The following SLC28A2 variants were observed in gnomAD, a reference collection of about 807,000 sequenced individuals.
The protein encoded by SLC28A2 is solute carrier family 28 member 2.
In SLC28A2, 69 loss-of-function variants were observed where a neutral mutation model predicts 72.9. The ratio of observed to expected loss-of-function variants is 0.95; its 90% CI spans 0.78 to 1.16. The LOEUF (loss-of-function observed/expected upper bound fraction) is 1.16, where lower values mean the gene tolerates loss of function less well. Among genes scored for constraint, SLC28A2 ranks in the 50% most tolerant of loss-of-function variants. The pLI, the probability that SLC28A2 is intolerant of heterozygous loss-of-function variation, is 0.00. For missense variants in SLC28A2, 745 were observed against 791.1 expected (o/e 0.94, Z 0.70); for synonymous variants, 296 against 294.1 (o/e 1.01, Z -0.07).
rs1444228416 is a variant in SLC28A2 at position 45,277,200 on chromosome 15, A to ATATTTATTATATTTAATAT, written c.*1701_*1719dup. 2.0e-5 allele frequency: 3 copies of ATATTTATTATATTTAATAT among 149,486 alleles called. No individual in the cohort carries two copies. The highest frequency in any genetic ancestry group is 7.3e-5 in the African/African-American group (3 of 40,976). The allele number at this position is 149,486 out of a possible 1,614,324, so 9.3% of individuals were successfully genotyped here. A position where few individuals can be genotyped will look rare whatever the true frequency, so the allele number is the denominator to read the frequency against. ...GAAACTCTGATTCAAAATATTTTAG[A>ATATTTATTATATTTAATAT]TATTTATTATATTTAATATTATTTA... On this transcript the variant is annotated 3_prime_UTR_variant, in exon 18 of 18. Transcript: ENST00000347644.
Position 45,273,167 on chromosome 15 carries a change from A to G in SLC28A2, c.1859+383A>G, listed in dbSNP as rs536105763. On this transcript the variant is annotated intron_variant, in intron 17 of 17. Coordinates refer to ENST00000347644, the MANE Select transcript of SLC28A2 (RefSeq NM_004212.4). ...CATAGCGAGACCCTGTCTCTATTTT[A>G]TATTAATTAAAAAAAAGAAATTACT... 2.2e-4 allele frequency among the ~76,000 whole-genome samples: 34 copies of G among 152,284 alleles called. No homozygotes were observed. In the South Asian group the frequency reaches 6.8e-3, roughly 31 times the overall value.
chr15:45,260,559 C>A (rs1199166996), intron 3 of SLC28A2, among the ~76,000 whole-genome samples: 1 of 152,070 alleles, frequency 6.6e-6, no homozygotes, highest in Non-Finnish European at 1.5e-5. Context: ...GAGTTTGAGA[C>A]CAGCCTGGGG....
At position 45,263,993 on chromosome 15, in the gene SLC28A2, C is replaced by T. The variant is rs1448743608; in HGVS notation, c.559C>T (p.Leu187Phe). ...FAGICMFILI[L>F]FACSKHHSAV... The stretch of plus-strand genomic sequence containing the variant: ...AGGAATCTGCATGTTCATCCTTATC[C>T]TCTTTGCCTGCTCCAAACACCACAG... The change falls in exon 6 of 18, where the codon CTC becomes TTC. Residue 187 changes from leucine to phenylalanine, a missense_variant. Physicochemically the swap from Leu to Phe is conservative, Grantham distance 22. Transcript: ENST00000347644. The T allele has an allele frequency of 6.2e-7, 1 of 1,613,286 alleles. No individual in the cohort carries two copies. The highest frequency in any genetic ancestry group is 8.5e-7 in the Non-Finnish European group (1 of 1,179,636).
chr15:45,272,217 T>C, intron 15 of SLC28A2, 78 bp from the exon 16 acceptor site: 1 of 1,129,852 alleles, frequency 8.9e-7, no homozygotes. Context: ...TCTGCGTTCT[T>C]CTAAGTGGGG....
intron 15 of SLC28A2, among the ~76,000 whole-genome samples, chr15:45,271,616 G>GGAAGGAAT (rs1220303624): frequency 1.3e-5 from 2 of 151,004 alleles, no homozygotes; most frequent in Non-Finnish European, 2.9e-5. Context: ...AAGGAAGGAA[G>GGAAGGAAT]GAATCTTAGA....
In SLC28A2 at chr15:45,265,627, C is replaced by T. The variant is rs867580515; in HGVS notation, c.825C>T (p.Leu275=). 4 of 1,613,734 alleles carry T rather than the reference C, an allele frequency of 2.5e-6. No homozygotes were observed. The highest frequency in any genetic ancestry group is 2.5e-6 in the Non-Finnish European group (3 of 1,179,616). The change falls in exon 9 of 18, where the codon CTC becomes CTT. Residue 275 remains leucine, a synonymous_variant. Coordinates refer to ENST00000347644, the MANE Select transcript of SLC28A2 (RefSeq NM_004212.4). ...IIFFGCVVSI[L]YYLGLVQWVV... is the part of the protein sequence containing the mutation. ...TCTTTGGATGTGTGGTGTCCATTCT[C>T]TACTACCTGGGCCTTGTGCAATGGG... is the stretch of plus-strand genomic sequence containing the variant.
rs754180838 is a variant in SLC28A2 at position 45,265,680 on chromosome 15, C to T, written c.861+17C>T. ...GTTCAGAAGGTGAGTCGTTCTCTTACACCAGTCAGGAGACAGGCCTTCATC... is the reference window on the plus strand; with the variant it reads ...GTTCAGAAGGTGAGTCGTTCTCTTATACCAGTCAGGAGACAGGCCTTCATC... On this transcript the variant is annotated intron_variant, in intron 9 of 17. Coordinates refer to ENST00000347644, the MANE Select transcript of SLC28A2 (RefSeq NM_004212.4). 2.6e-6 allele frequency: 4 copies of T among 1,556,710 alleles called. No homozygotes were observed. Among genetic ancestry groups the T allele is most frequent in the Non-Finnish European group, 3.5e-6 (4 of 1,127,642 alleles).
At chr15:45,272,608 G>T in intron 16 of SLC28A2, 65 bp from the exon 17 acceptor site, 1 of 1,014,190 alleles carries the variant, frequency 9.9e-7, no homozygotes, top group South Asian at 1.3e-5. Flanking sequence ...CGTGCCAAAA[G>T]AATAAAGAGC....
intron 15 of SLC28A2, among the ~76,000 whole-genome samples, chr15:45,271,295 G>A (rs1254012565): frequency 6.6e-6 from 1 of 152,174 alleles, no homozygotes; most frequent in African/African-American, 2.4e-5. Flanking sequence ...GCTGGATGTG[G>A]TGGCTCATGC....
At chr15:45,262,909 AAGAAGTGC>A (rs1214634069) in intron 4 of SLC28A2, 144 bp from the exon 5 acceptor site, 7 of 617,342 alleles carry the variant, frequency 1.1e-5, no homozygotes, top group Non-Finnish European at 2.0e-5. Flanking sequence ...TCCTGGCCTC[AAGAAGTGC>A]AGTTCTGTCT....
chr15:45,274,037 C>A (rs1900673308), intron 17 of SLC28A2, among the ~76,000 whole-genome samples: 1 of 152,064 alleles, frequency 6.6e-6, no homozygotes, highest in Non-Finnish European at 1.5e-5. Context: ...GGGATCCTCC[C>A]ATCTTGGCTT....
chr15:45,257,100 T>A (rs565847467), intron 3 of SLC28A2, among the ~76,000 whole-genome samples: 1 of 152,354 alleles, frequency 6.6e-6, no homozygotes, highest in South Asian at 2.1e-4. Context: ...GTTTCCTGCC[T>A]CCATGTCATG....
chr15:45,253,679 C>A, intron 3 of SLC28A2, 159 bp downstream of exon 3: 24 of 513,386 alleles, frequency 4.7e-5, no homozygotes, highest in Non-Finnish European at 6.7e-5. Context: ...GCCATAAACT[C>A]CATAAAAAAA....
chr15:45,258,814 A>G (rs1309276400), intron 3 of SLC28A2, among the ~76,000 whole-genome samples: 1 of 152,318 alleles, frequency 6.6e-6, no homozygotes, highest in African/African-American at 2.4e-5. Flanking sequence ...ATTTTTGTGC[A>G]TGTCTTTTAG....
Position 45,272,288 on chromosome 15 carries a change from T to C in SLC28A2, c.1649-7T>C. 1 of 1,611,880 alleles carries C rather than the reference T, an allele frequency of 6.2e-7. No individual in the cohort carries two copies. Among genetic ancestry groups the C allele is most frequent in the Non-Finnish European group, 8.5e-7 (1 of 1,178,932 alleles). Reference sequence around the variant, plus strand: ...AAGCTGAAGTTATTTTATTTTATTGTCTGCAGCATCAATAGTACCTCACCG... The same window carrying C: ...AAGCTGAAGTTATTTTATTTTATTGCCTGCAGCATCAATAGTACCTCACCG... On this transcript the variant is annotated splice_region_variant and splice_polypyrimidine_tract_variant and intron_variant, in intron 15 of 17. Transcript: ENST00000347644.
intron 9 of SLC28A2, 105 bp downstream of exon 9, chr15:45,265,768 G>A: frequency 2.4e-6 from 2 of 817,838 alleles, no homozygotes; most frequent in South Asian, 1.4e-5. Flanking sequence ...GAAACAATGG[G>A]AAAAGGCAGG....
chr15:45,273,487 T>G (rs1418530934), intron 17 of SLC28A2, among the ~76,000 whole-genome samples: 1 of 152,154 alleles, frequency 6.6e-6, no homozygotes. Flanking sequence ...GTGTGTGTAT[T>G]GGTGGTGATA....
intron 6 of SLC28A2, among the ~76,000 whole-genome samples, chr15:45,264,354 C>A (rs914258810): frequency 6.6e-6 from 1 of 152,172 alleles, no homozygotes; most frequent in African/African-American, 2.4e-5. Context: ...ACACGCAGTG[C>A]AGATAGTACT....
chr15:45,267,610 G>T lies in SLC28A2; in HGVS notation c.1068+30G>T, dbSNP rs1349369329. The T allele has an allele frequency of 3.7e-6, 6 of 1,614,036 alleles. No homozygotes were observed. The South Asian group carries it at 6.6e-5, about 18-fold the overall frequency. On this transcript the variant is annotated intron_variant, in intron 11 of 17. Coordinates refer to ENST00000347644, the MANE Select transcript of SLC28A2 (RefSeq NM_004212.4). ...GCATAGTCTGCTTGATCACTCCTGGGTGAACTCGAGTTGGGTTTGATAGAA... is the reference window on the plus strand; with the variant it reads ...GCATAGTCTGCTTGATCACTCCTGGTTGAACTCGAGTTGGGTTTGATAGAA...
Sources: allele counts gnomAD v4.1 joint callset (sites outside exome capture counted in the v4.1 genomes callset), GRCh38; gene constraint gnomAD v4.1.1; transcripts MANE v1.5; gene names NCBI Gene and HGNC (gene_info 2026-07-23, HGNC 2026-07-21).